Variants in GRK4 observed in about 807,000 individuals in gnomAD.
GRK4 encodes G protein-coupled receptor kinase 4.
Under a neutral mutation model 77.9 loss-of-function variants are expected in GRK4, and 73 were observed. The observed-to-expected ratio is 0.94, with a 90% CI of 0.78 to 1.14. GRK4 has a LOEUF of 1.14. GRK4 is among the 50% of genes most tolerant of loss of function. The pLI is 0.00. For synonymous variants in GRK4, 257 were observed against 254.4 expected, an observed-to-expected ratio of 1.01 and a Z score of -0.10; for missense variants, 729 against 700.2, an observed-to-expected ratio of 1.04 and a Z score of -0.46.
At chr4:3,021,833 C>T (rs144872458) in intron 9 of GRK4, among the ~76,000 whole-genome samples, 224 of 152,320 alleles carry the variant, frequency 1.5e-3, no homozygotes, top group African/African-American at 5.1e-3. Context: ...TTTGGCTCAT[C>T]CTCTAACCTC....
intron 8 of GRK4, among the ~76,000 whole-genome samples, chr4:3,015,939 C>T (rs370707356): frequency 2.0e-5 from 3 of 149,378 alleles, no homozygotes; most frequent in South Asian, 2.2e-4. Context: ...TACAGAGTCT[C>T]GCACTGTCTC....
chr4:2,992,852 C>T (rs1199815526), intron 4 of GRK4, among the ~76,000 whole-genome samples: 1 of 151,230 alleles, frequency 6.6e-6, no homozygotes, highest in Non-Finnish European at 1.5e-5. Flanking sequence ...AGCATGGTGG[C>T]GTGCACCTGT....
chr4:3,010,817 G>A (rs1017492912), intron 7 of GRK4, among the ~76,000 whole-genome samples: 1 of 152,156 alleles, frequency 6.6e-6, no homozygotes, highest in African/African-American at 2.4e-5. Context: ...GCATTGCCTT[G>A]AAGTTAATTA....
intron 4 of GRK4, among the ~76,000 whole-genome samples, chr4:2,993,831 A>C (rs550436792): frequency 3.3e-5 from 5 of 152,390 alleles, no homozygotes; most frequent in Admixed American, 2.6e-4. Flanking sequence ...CCAAGGTTAC[A>C]CACCTAGTAA....
intron 12 of GRK4, among the ~76,000 whole-genome samples, chr4:3,033,997 C>T (rs1172136795): frequency 6.6e-6 from 1 of 152,244 alleles, no homozygotes; most frequent in Non-Finnish European, 1.5e-5. Flanking sequence ...CAGAGTCACA[C>T]AGCCTTAGCT....
intron 4 of GRK4, among the ~76,000 whole-genome samples, chr4:3,003,061 T>A (rs1578179178): frequency 2.6e-5 from 4 of 152,280 alleles, no homozygotes; most frequent in Admixed American, 2.6e-4. Context: ...AAATTCTGCG[T>A]CCATTCAACA....
At chr4:3,036,062 C>G (rs1284467549) in intron 13 of GRK4, among the ~76,000 whole-genome samples, 1 of 152,236 alleles carries the variant, frequency 6.6e-6, no homozygotes, top group African/African-American at 2.4e-5. Flanking sequence ...CCCAAGTGAT[C>G]CTCCTGCCTT....
At chr4:3,015,912 ATTT>A (rs60758953) in intron 8 of GRK4, among the ~76,000 whole-genome samples, 4 of 139,852 alleles carry the variant, frequency 2.9e-5, no homozygotes, top group Admixed American at 7.2e-5. Context: ...CCATCACCCT[ATTT>A]TTTTTTTTTT....
chr4:2,988,594 C>CA (rs201942836), intron 2 of GRK4, 133 bp from the exon 3 acceptor site: 7,114 of 558,454 alleles, frequency 0.013, 305 homozygotes, highest in African/African-American at 0.1. Context: ...ACAACAACAA[C>CA]AAGATGAAAA....
intron 8 of GRK4, among the ~76,000 whole-genome samples, chr4:3,017,659 A>G (rs771293969): frequency 6.6e-6 from 1 of 152,178 alleles, no homozygotes; most frequent in Non-Finnish European, 1.5e-5. Context: ...TTACTGTTTT[A>G]ATACATCATG....
Position 3,013,694 on chromosome 4 carries a change from G to A in GRK4, c.607G>A (p.Ala203Thr), listed in dbSNP as rs572038787. 8.3e-5 allele frequency: 133 copies of A among 1,607,196 alleles called. No homozygotes were observed. Among genetic ancestry groups the A allele is most frequent in the Middle Eastern group, 3.3e-4 (2 of 6,040 alleles). ...LGKGGFGEVC[A>T]CQVRATGKMY... ...ATTTTGCTGTTTAAACTAGGTTTGC[G>A]CCTGTCAAGTGCGAGCCACAGGAAA... is the stretch of plus-strand genomic sequence containing the variant. The change falls in exon 8 of 16, where the codon GCC becomes ACC. Residue 203 changes from alanine (A) to threonine (T), a missense_variant. By Grantham distance (58) the Ala-to-Thr change is moderately conservative (BLOSUM62 0). Coordinates refer to ENST00000398052, the MANE Select transcript of GRK4 (RefSeq NM_182982.3).
chr4:3,020,651 T>C (rs1168891574), intron 9 of GRK4, among the ~76,000 whole-genome samples: 4 of 152,174 alleles, frequency 2.6e-5, no homozygotes, highest in Non-Finnish European at 5.9e-5. Context: ...TCTCAGTCAC[T>C]CTCCCTGGGT....
At chr4:3,003,246 G>A (rs1018932217) in intron 4 of GRK4, among the ~76,000 whole-genome samples, 3 of 152,184 alleles carry the variant, frequency 2.0e-5, no homozygotes, top group African/African-American at 4.8e-5. Flanking sequence ...CTGGAGGGCA[G>A]TGGCACAATC....
At chr4:2,965,656 A>G in intron 1 of GRK4, 1 of 585,052 alleles carries the variant, frequency 1.7e-6, no homozygotes. Context: ...CCTGGGCAAA[A>G]CACAGCAAGA....
chr4:3,005,089 C>CT (rs112922259), intron 5 of GRK4, among the ~76,000 whole-genome samples: 13,483 of 151,584 alleles, frequency 0.089, 740 homozygotes, highest in African/African-American at 0.15. Context: ...CCAAAAACAT[C>CT]TTTTTTCAGG....
At chr4:3,037,336 T>C (rs754979010) in intron 13 of GRK4, 38 bp from the exon 14 acceptor site, 70 of 1,548,548 alleles carry the variant, frequency 4.5e-5, no homozygotes, top group Non-Finnish European at 5.8e-5. Flanking sequence ...AGAATTGCTG[T>C]AGTCATCTCA....
chr4:2,996,608 G>T (rs1728002915), intron 4 of GRK4, among the ~76,000 whole-genome samples: 1 of 152,074 alleles, frequency 6.6e-6, no homozygotes, highest in Non-Finnish European at 1.5e-5. Context: ...TGTCACAGTG[G>T]CAATTAAATG....
chr4:3,039,322 G>A (rs1741744383), intron 15 of GRK4, among the ~76,000 whole-genome samples: 1 of 152,162 alleles, frequency 6.6e-6, no homozygotes, highest in African/African-American at 2.4e-5. Flanking sequence ...GGATTCGTGG[G>A]CCATCCTACT....
At chr4:2,964,155 C>A (rs199840994) in intron 1 of GRK4, 33 bp downstream of exon 1, 6 of 1,546,700 alleles carry the variant, frequency 3.9e-6, no homozygotes, top group Admixed American at 3.8e-5. Flanking sequence ...CGACCCCCCC[C>A]CCAGAGAACC....
Sources: gnomAD v4.1 joint callset for allele counts (sites outside exome capture counted in the v4.1 genomes callset) on GRCh38, gnomAD v4.1.1 for gene constraint, MANE v1.5 for transcripts, NCBI Gene and HGNC (gene_info 2026-07-23, HGNC 2026-07-21) for gene names.